The following KCNQ5 variants were observed in gnomAD, a reference collection of about 807,000 sequenced individuals.
KCNQ5 encodes the protein potassium voltage-gated channel subfamily KQT member 5.
Under a neutral mutation model 98.2 loss-of-function variants are expected in KCNQ5, and 30 were observed. That is an observed-to-expected ratio of 0.31 (90% confidence interval 0.23 to 0.41). KCNQ5 has a LOEUF of 0.41. Among genes scored for constraint, KCNQ5 ranks in the 10% least tolerant of loss-of-function variants. KCNQ5 has a pLI of 1.00. For missense variants in KCNQ5, 835 were observed against 1,182.5 expected, an observed-to-expected ratio of 0.71 and a Z score of 4.31; for synonymous variants, 458 against 449.4, an observed-to-expected ratio of 1.02 and a Z score of -0.24.
At chr6:72,749,716 G>A (rs978101165) in intron 1 of KCNQ5, among the ~76,000 whole-genome samples, 5 of 71,330 alleles carry the variant, frequency 7.0e-5, no homozygotes, top group African/African-American at 1.9e-4. Flanking sequence ...AATAGTCACT[G>A]ACAACATTTA....
At chr6:72,838,677 G>T (rs1310285570) in intron 1 of KCNQ5, among the ~76,000 whole-genome samples, 2 of 151,662 alleles carry the variant, frequency 1.3e-5, no homozygotes, top group Admixed American at 1.3e-4. Context: ...GAGGCCGGGC[G>T]CGGTGGCTCA....
At chr6:72,632,656 CA>C (rs1365963649) in intron 1 of KCNQ5, among the ~76,000 whole-genome samples, 1 of 152,176 alleles carries the variant, frequency 6.6e-6, no homozygotes, top group Non-Finnish European at 1.5e-5. Context: ...TTTATCTTCA[CA>C]CTTCTAAGTG....
At chr6:72,655,032 CTT>C (rs1211872974) in intron 1 of KCNQ5, among the ~76,000 whole-genome samples, 1 of 86,874 alleles carries the variant, frequency 1.2e-5, no homozygotes, top group Admixed American at 1.2e-4. Context: ...GTCTGTCTTT[CTT>C]TCTTTCTTTC....
intron 1 of KCNQ5, among the ~76,000 whole-genome samples, chr6:72,982,054 AGAG>A (rs1388307001): frequency 3.3e-5 from 5 of 152,128 alleles, no homozygotes; most frequent in African/African-American, 1.2e-4. Context: ...TTACATTTGC[AGAG>A]GAGTGCTTTA....
chr6:72,634,059 T>G (rs1402331752), intron 1 of KCNQ5, among the ~76,000 whole-genome samples: 1 of 152,192 alleles, frequency 6.6e-6, no homozygotes, highest in Non-Finnish European at 1.5e-5. Context: ...CTAAAGAGCT[T>G]AGGCTGCTAT....
chr6:73,162,764 G>GA lies in KCNQ5; in HGVS notation c.1469-6973dup, dbSNP rs1174320480. ...ATCATCGTTTTGTTAGATGGATGAGGAAAAAAAAATTGGTTCTTGGCTGGA... is the reference window on the plus strand; with the variant it reads ...ATCATCGTTTTGTTAGATGGATGAGGAAAAAAAAAATTGGTTCTTGGCTGGA... On this transcript the variant is annotated intron_variant, in intron 10 of 13. Transcript: ENST00000370398. 6.6e-5 allele frequency among the ~76,000 whole-genome samples: 10 copies of GA among 151,776 alleles called. No individual in the cohort carries two copies. The East Asian group carries it at 7.7e-4, about 12-fold the overall frequency.
At chr6:72,954,658 CA>C (rs1766960186) in intron 1 of KCNQ5, among the ~76,000 whole-genome samples, 1 of 151,962 alleles carries the variant, frequency 6.6e-6, no homozygotes, top group Non-Finnish European at 1.5e-5. Flanking sequence ...GCTCTGTAGT[CA>C]GGGGTGGCAG....
intron 3 of KCNQ5, among the ~76,000 whole-genome samples, chr6:73,056,863 T>C (rs1031507805): frequency 5.9e-5 from 9 of 152,046 alleles, no homozygotes; most frequent in Non-Finnish European, 1.3e-4. Context: ...AATAGGAACA[T>C]TTTTACACTC....
intron 2 of KCNQ5, among the ~76,000 whole-genome samples, chr6:73,038,321 C>T (rs1235901322): frequency 6.7e-6 from 1 of 149,210 alleles, no homozygotes; most frequent in Non-Finnish European, 1.5e-5. Context: ...AAATAGAGAC[C>T]ATTTTATGTT....
intron 1 of KCNQ5, among the ~76,000 whole-genome samples, chr6:72,826,111 A>C (rs1295690392): frequency 6.6e-6 from 1 of 152,138 alleles, no homozygotes; most frequent in African/African-American, 2.4e-5. Context: ...TGTAATTTGC[A>C]CAAAGCAATT....
chr6:72,974,979 T>C (rs1768092394), intron 1 of KCNQ5, among the ~76,000 whole-genome samples: 1 of 152,052 alleles, frequency 6.6e-6, no homozygotes, highest in Non-Finnish European at 1.5e-5. Context: ...TCAGGCAATC[T>C]ACTCGCCTCG....
At chr6:73,115,155 G>A (rs1165143130) in intron 7 of KCNQ5, among the ~76,000 whole-genome samples, 2 of 150,300 alleles carry the variant, frequency 1.3e-5, no homozygotes, top group Admixed American at 1.3e-4. Context: ...AATAAGAACA[G>A]ACTCAGAAAA....
intron 1 of KCNQ5, among the ~76,000 whole-genome samples, chr6:72,706,961 C>T (rs1037793640): frequency 1.4e-4 from 21 of 152,096 alleles, no homozygotes; most frequent in Non-Finnish European, 3.1e-4. Context: ...CAGTATTATA[C>T]TTTTAAGGAA....
chr6:72,758,400 A>G (rs1772084381), intron 1 of KCNQ5, among the ~76,000 whole-genome samples: 1 of 152,146 alleles, frequency 6.6e-6, no homozygotes, highest in Non-Finnish European at 1.5e-5. Flanking sequence ...GCTTTTAAGA[A>G]ATTTTTATTA....
chr6:72,843,509 A>G (rs535474398), intron 1 of KCNQ5, among the ~76,000 whole-genome samples: 165 of 152,238 alleles, frequency 1.1e-3, no homozygotes, highest in African/African-American at 3.8e-3. Flanking sequence ...GTTTTTTCCA[A>G]TTCTGTGAAG....
chr6:72,922,164 A>G (rs1780427832), intron 1 of KCNQ5, among the ~76,000 whole-genome samples: 1 of 152,212 alleles, frequency 6.6e-6, no homozygotes, highest in African/African-American at 2.4e-5. Context: ...CTCTAAACAT[A>G]TACCAAACAC....
intron 1 of KCNQ5, among the ~76,000 whole-genome samples, chr6:72,994,468 CCTGACCCCTTGCGCTTCCCAGGTG>C: frequency 7.5e-6 from 1 of 133,094 alleles, no homozygotes; most frequent in Non-Finnish European, 1.6e-5. Context: ...AAGGGAACTC[CCTGACCCCTTGCGCTTCCCAGGTG>C]AGGCAATGCC....
chr6:73,092,442 T>A (rs1351551847), intron 5 of KCNQ5, among the ~76,000 whole-genome samples: 2 of 152,182 alleles, frequency 1.3e-5, no homozygotes, highest in Admixed American at 1.3e-4. Context: ...AGAGTGGGCA[T>A]CCTTATCTTG....
intron 10 of KCNQ5, among the ~76,000 whole-genome samples, chr6:73,163,938 G>A (rs1019888161): frequency 5.9e-5 from 9 of 151,908 alleles, no homozygotes; most frequent in Non-Finnish European, 7.4e-5. Context: ...TTAACCTCCC[G>A]CCATTATGAC....
Sources: gnomAD v4.1 joint callset for allele counts (sites outside exome capture counted in the v4.1 genomes callset) on GRCh38, gnomAD v4.1.1 for gene constraint, MANE v1.5 for transcripts, NCBI Gene and HGNC (gene_info 2026-07-23, HGNC 2026-07-21) for gene names.